SLC25A33: variants seen among roughly 807,000 people sequenced by gnomAD.
SLC25A33 encodes solute carrier family 25 member 33.
SLC25A33 carries 15 observed loss-of-function variants against 35.5 expected under a neutral mutation model. The ratio of observed to expected loss-of-function variants is 0.42; its 90% CI spans 0.28 to 0.65. The LOEUF (loss-of-function observed/expected upper bound fraction) is 0.65. Ranked by LOEUF, SLC25A33 falls within the 30% of genes least tolerant of loss-of-function variation. The pLI is 0.20. For missense variants in SLC25A33, 257 were observed against 398.5 expected, an observed-to-expected ratio of 0.64 and a Z score of 3.02; for synonymous variants, 136 against 148.7, an observed-to-expected ratio of 0.91 and a Z score of 0.62.
chr1:9,566,542 C>G (rs778725003), intron 2 of SLC25A33, among the ~76,000 whole-genome samples: 6 of 152,144 alleles, frequency 3.9e-5, no homozygotes, highest in Non-Finnish European at 7.3e-5. Context: ...AGTACAGACT[C>G]TGCACAGCTT....
chr1:9,547,596 C>T (rs1244832704), intron 1 of SLC25A33, among the ~76,000 whole-genome samples: 1 of 152,088 alleles, frequency 6.6e-6, no homozygotes, highest in Non-Finnish European at 1.5e-5. Flanking sequence ...GGTTTCTCAA[C>T]TTTGGTTGGA....
chr1:9,539,762 C>T lies in SLC25A33; in HGVS notation c.56+15C>T, dbSNP rs1295871594. 6.6e-6 allele frequency: 9 copies of T among 1,373,334 alleles called. No individual in the cohort carries two copies. The Admixed American group carries it at 8.8e-5, about 13-fold the overall frequency. The allele number at this position is 1,373,334 out of a possible 1,614,324, so 85.1% of individuals were successfully genotyped here. On this transcript the variant is annotated intron_variant, in intron 1 of 6. Transcript: ENST00000302692. ...TTCGCCGGCGGGTGAGTTCCCGGGC[C>T]CAGCCGCGCGCGCCCCACCGCCTGC...
At chr1:9,573,490 T>A in intron 5 of SLC25A33, 78 bp downstream of exon 5, 1 of 1,184,532 alleles carries the variant, frequency 8.4e-7, no homozygotes, top group Non-Finnish European at 1.2e-6. Flanking sequence ...TCCACATCTC[T>A]AAGGATGAGA....
intron 1 of SLC25A33, among the ~76,000 whole-genome samples, chr1:9,545,555 G>A (rs1419001003): frequency 6.6e-6 from 1 of 151,698 alleles, no homozygotes; most frequent in South Asian, 2.1e-4. Context: ...CTGCCACCAC[G>A]CCTGGCTAAT....
rs1643777903 is a variant in SLC25A33, at chr1:9,584,040, AAATTT to A, written c.*1543_*1547del. On this transcript the variant is annotated 3_prime_UTR_variant, in exon 7 of 7. Coordinates refer to ENST00000302692, the MANE Select transcript of SLC25A33 (RefSeq NM_032315.3). ...GATGTTACCCCCTTGGTTTTAAAGC[AAATTT>A]AATAAGGGAACAAAAAGATGATACT... 6.6e-6 allele frequency: 1 copy of A among 151,904 alleles called. No individual in the cohort carries two copies. The highest frequency in any genetic ancestry group is 1.5e-5 in the Non-Finnish European group (1 of 68,006). The allele number at this position is 151,904 out of a possible 1,614,324, so 9.4% of individuals were successfully genotyped here.
At position 9,539,725 on chromosome 1, in the gene SLC25A33, C is replaced by G. The variant is rs766104303; in HGVS notation, c.34C>G (p.Leu12Val). ...ATGGQQKENT[L>V]LHLFAGGCGG... ...GGGCGGCCAGCAGAAGGAGAACACG[C>G]TGCTTCACCTCTTCGCCGGCGGGTG... Residue 12 changes from leucine to valine, a missense_variant, in exon 1 of 7, where the codon CTG (leucine) becomes GTG (valine). Coordinates refer to ENST00000302692, the MANE Select transcript of SLC25A33 (RefSeq NM_032315.3). 1.0e-3 allele frequency: 1,459 copies of G among 1,409,770 alleles called. 3 individuals are homozygous for G. The highest frequency in any genetic ancestry group is 1.3e-3 in the Non-Finnish European group (1,389 of 1,080,812). The allele number at this position is 1,409,770 out of a possible 1,614,324, so 87.3% of individuals were successfully genotyped here. A position where few individuals can be genotyped will look rare whatever the true frequency, so the allele number is the denominator to read the frequency against.
At chr1:9,566,034 T>A (rs998920559) in intron 2 of SLC25A33, among the ~76,000 whole-genome samples, 1 of 151,204 alleles carries the variant, frequency 6.6e-6, no homozygotes, top group African/African-American at 2.4e-5. Context: ...CCCCGCCAAC[T>A]TTTTTTTTGT....
In SLC25A33 at chr1:9,545,187, G is replaced by GT. The variant is rs201418883; in HGVS notation, c.56+5447dup. ...AGAAGGTAGAGGAATGGGGAGGGGA[G>GT]TTTTTTTGTTTTTGGTGGTTTTTTT... is the stretch of plus-strand genomic sequence containing the variant. On this transcript the variant is annotated intron_variant, in intron 1 of 6. Coordinates refer to ENST00000302692, the MANE Select transcript of SLC25A33 (RefSeq NM_032315.3). Among the ~76,000 whole-genome samples, 1,025 of 151,948 alleles carry GT rather than the reference G, an allele frequency of 6.7e-3. 10 individuals carry two copies. Among genetic ancestry groups the GT allele is most frequent in the African/African-American group, 0.024 (982 of 41,456 alleles).
intron 1 of SLC25A33, among the ~76,000 whole-genome samples, chr1:9,540,908 T>G (rs1643069367): frequency 6.6e-6 from 1 of 152,194 alleles, no homozygotes; most frequent in African/African-American, 2.4e-5. Flanking sequence ...CTTCATAGAT[T>G]GGAAGAGTTT....
Position 9,543,333 on chromosome 1 carries a change from G to A in SLC25A33, c.56+3586G>A, listed in dbSNP as rs540186985. 1.1e-4 allele frequency among the ~76,000 whole-genome samples: 17 copies of A among 152,026 alleles called. No individual in the cohort carries two copies. The South Asian group carries it at 1.7e-3, about 15-fold the overall frequency. ...TAATTTTTGTATTTTTAGTGGAGAC[G>A]GGGTTTCACCATGTTGGACAGGCTG... On this transcript the variant is annotated intron_variant, in intron 1 of 6. Coordinates refer to ENST00000302692, the MANE Select transcript of SLC25A33 (RefSeq NM_032315.3).
chr1:9,554,396 G>A (rs1042633980), intron 2 of SLC25A33, among the ~76,000 whole-genome samples: 25 of 152,068 alleles, frequency 1.6e-4, no homozygotes, highest in Admixed American at 8.5e-4. Flanking sequence ...TTTTGCTCTC[G>A]TTGCCCAAAC....
intron 2 of SLC25A33, among the ~76,000 whole-genome samples, chr1:9,559,409 A>G (rs1480864651): frequency 6.6e-6 from 1 of 152,182 alleles, no homozygotes; most frequent in Non-Finnish European, 1.5e-5. Context: ...GATATTGCAT[A>G]TAAAGGGCTT....
At chr1:9,581,977 G>T (rs1002279810) in intron 6 of SLC25A33, among the ~76,000 whole-genome samples, 1 of 152,090 alleles carries the variant, frequency 6.6e-6, no homozygotes, top group South Asian at 2.1e-4. Flanking sequence ...AGGCTGGAGT[G>T]TAGTGGCACG....
At chr1:9,546,744 G>T (rs1032687020) in intron 1 of SLC25A33, among the ~76,000 whole-genome samples, 16 of 152,126 alleles carry the variant, frequency 1.1e-4, no homozygotes, top group African/African-American at 3.6e-4. Flanking sequence ...CTTCAAACCG[G>T]CTTGCTTATG....
intron 1 of SLC25A33, among the ~76,000 whole-genome samples, chr1:9,550,295 T>C (rs1643248240): frequency 6.6e-6 from 1 of 151,308 alleles, no homozygotes; most frequent in African/African-American, 2.4e-5. Flanking sequence ...TCGCTGTTAC[T>C]AGGGCATTTG....
intron 3 of SLC25A33, among the ~76,000 whole-genome samples, chr1:9,567,717 C>G (rs1344400108): frequency 6.6e-6 from 1 of 152,212 alleles, no homozygotes; most frequent in Non-Finnish European, 1.5e-5. Flanking sequence ...AGACCTACAT[C>G]AGAATCTGCA....
At chr1:9,581,683 C>A (rs1364852107) in intron 6 of SLC25A33, among the ~76,000 whole-genome samples, 1 of 149,344 alleles carries the variant, frequency 6.7e-6, no homozygotes, top group Non-Finnish European at 1.5e-5. Flanking sequence ...GAGCCAAGAT[C>A]GTACCGACTG....
intron 2 of SLC25A33, among the ~76,000 whole-genome samples, chr1:9,556,594 T>G (rs1174810603): frequency 6.6e-6 from 1 of 152,182 alleles, no homozygotes; most frequent in African/African-American, 2.4e-5. Context: ...AAAAAGTTTC[T>G]GATTTTAGAA....
chr1:9,564,739 A>AAAAAAAAATATATAT (rs60174872), intron 2 of SLC25A33, among the ~76,000 whole-genome samples: 9 of 96,578 alleles, frequency 9.3e-5, no homozygotes, highest in African/African-American at 4.0e-4. Flanking sequence ...AAAAAAAAAA[A>AAAAAAAAATATATAT]ATATATATAT....
Sources: gnomAD v4.1 joint callset for allele counts (sites outside exome capture counted in the v4.1 genomes callset) on GRCh38, gnomAD v4.1.1 for gene constraint, MANE v1.5 for transcripts, NCBI Gene and HGNC (gene_info 2026-07-23, HGNC 2026-07-21) for gene names.